Variants in ADCY2 observed in about 807,000 individuals in gnomAD.
The protein encoded by ADCY2 is adenylate cyclase 2, also known as adenylate cyclase type 2.
In ADCY2, 31 loss-of-function variants were observed where a neutral mutation model predicts 125.2. The observed-to-expected ratio is 0.25, with a 90% CI of 0.19 to 0.33. The LOEUF is 0.33. Ranked by LOEUF, ADCY2 falls within the 10% of genes least tolerant of loss-of-function variation. The pLI, the probability that ADCY2 is intolerant of heterozygous loss-of-function variation, is 1.00. For missense variants in ADCY2, 904 were observed against 1,418.2 expected (o/e 0.64, Z 5.82); for synonymous variants, 512 against 548.4 (o/e 0.93, Z 0.93).
intron 22 of ADCY2, among the ~76,000 whole-genome samples, chr5:7,812,611 A>G (rs758864765): frequency 6.6e-6 from 1 of 152,140 alleles, no homozygotes; most frequent in Non-Finnish European, 1.5e-5. Flanking sequence ...CTGAAACCCA[A>G]TGAGGTAGGG....
intron 4 of ADCY2, among the ~76,000 whole-genome samples, chr5:7,627,726 A>G (rs540245572): frequency 2.0e-5 from 3 of 152,190 alleles, no homozygotes; most frequent in Non-Finnish European, 4.4e-5. Flanking sequence ...TCCTTTGTCT[A>G]TGTGTGGACT....
chr5:7,783,514 C>T (rs907515293), intron 18 of ADCY2, among the ~76,000 whole-genome samples: 1 of 151,876 alleles, frequency 6.6e-6, no homozygotes, highest in African/African-American at 2.4e-5. Context: ...TGTCCTTGAA[C>T]CCCCCACAGA....
chr5:7,444,206 C>T (rs1341009627), intron 2 of ADCY2, among the ~76,000 whole-genome samples: 17 of 150,914 alleles, frequency 1.1e-4, no homozygotes, highest in Admixed American at 6.6e-4. Flanking sequence ...CTCCGCCTCC[C>T]GGGTTCACGC....
intron 6 of ADCY2, among the ~76,000 whole-genome samples, chr5:7,697,070 TC>T (rs1366319770): frequency 6.6e-6 from 1 of 151,718 alleles, no homozygotes; most frequent in Non-Finnish European, 1.5e-5. Context: ...TGACATTCTC[TC>T]CTCTACGTGC....
chr5:7,670,050 A>G (rs1739881110), intron 4 of ADCY2, among the ~76,000 whole-genome samples: 1 of 152,206 alleles, frequency 6.6e-6, no homozygotes, highest in South Asian at 2.1e-4. Flanking sequence ...CAGACAGTTA[A>G]GTTGTCACCA....
chr5:7,528,805 C>T (rs573857979), intron 3 of ADCY2, among the ~76,000 whole-genome samples: 28 of 152,254 alleles, frequency 1.8e-4, no homozygotes, highest in South Asian at 1.2e-3. Flanking sequence ...ACAAAGATAA[C>T]GAGGCTCTGC....
At chr5:7,816,729 T>C (rs1001666789) in intron 22 of ADCY2, 137 bp from the exon 23 acceptor site, 10 of 661,860 alleles carry the variant, frequency 1.5e-5, no homozygotes, top group South Asian at 7.2e-5. Context: ...TTGATTCTTA[T>C]AGAATGTTTG....
At chr5:7,625,740 C>A (rs781351429) in intron 3 of ADCY2, among the ~76,000 whole-genome samples, 1 of 152,178 alleles carries the variant, frequency 6.6e-6, no homozygotes, top group Non-Finnish European at 1.5e-5. Flanking sequence ...TTGACTAGGG[C>A]AGCTCTGCTC....
chr5:7,401,767 A>G (rs1015482687), intron 1 of ADCY2, among the ~76,000 whole-genome samples: 1 of 152,160 alleles, frequency 6.6e-6, no homozygotes, highest in African/African-American at 2.4e-5. Flanking sequence ...TTAAAACCGA[A>G]TATTCTACTA....
intron 2 of ADCY2, among the ~76,000 whole-genome samples, chr5:7,503,704 G>A (rs1393408343): frequency 6.6e-6 from 1 of 152,204 alleles, no homozygotes; most frequent in Non-Finnish European, 1.5e-5. Flanking sequence ...GAGGAAGAAA[G>A]CATGGCCCAC....
intron 3 of ADCY2, among the ~76,000 whole-genome samples, chr5:7,559,350 T>C (rs1286794462): frequency 6.6e-6 from 1 of 152,188 alleles, no homozygotes; most frequent in Non-Finnish European, 1.5e-5. Context: ...TCTGATTTCT[T>C]TGAGCAGTAT....
At chr5:7,587,361 A>T (rs1040542806) in intron 3 of ADCY2, among the ~76,000 whole-genome samples, 2 of 152,210 alleles carry the variant, frequency 1.3e-5, no homozygotes, top group African/African-American at 4.8e-5. Flanking sequence ...TTTATGTGGC[A>T]TCTTCCCTAC....
chr5:7,561,218 T>A (rs527729162), intron 3 of ADCY2, among the ~76,000 whole-genome samples: 212 of 152,356 alleles, frequency 1.4e-3, no homozygotes, highest in African/African-American at 4.9e-3. Flanking sequence ...TCAAATATTG[T>A]CATGAATTGT....
intron 2 of ADCY2, among the ~76,000 whole-genome samples, chr5:7,481,128 C>T (rs970917627): frequency 2.8e-4 from 43 of 152,182 alleles, no homozygotes; most frequent in African/African-American, 9.9e-4. Flanking sequence ...CCTTTCTCCA[C>T]ATCCTTGCCA....
At chr5:7,778,254 G>C (rs1390042772) in intron 18 of ADCY2, among the ~76,000 whole-genome samples, 1 of 152,166 alleles carries the variant, frequency 6.6e-6, no homozygotes, top group Non-Finnish European at 1.5e-5. Context: ...AATTTTTCCT[G>C]AGTTTTTTTT....
chr5:7,429,788 A>G (rs1397038853), intron 2 of ADCY2, among the ~76,000 whole-genome samples: 1 of 152,214 alleles, frequency 6.6e-6, no homozygotes, highest in Non-Finnish European at 1.5e-5. Context: ...TGATAACATT[A>G]AATGTTTATG....
chr5:7,589,379 C>CA (rs550689638), intron 3 of ADCY2, among the ~76,000 whole-genome samples: 94 of 42,832 alleles, frequency 2.2e-3, no homozygotes, highest in South Asian at 9.7e-3. Context: ...TGTCCACTGG[C>CA]AAAAAAAAAG....
At chr5:7,486,666 A>G (rs1233555526) in intron 2 of ADCY2, among the ~76,000 whole-genome samples, 1 of 152,108 alleles carries the variant, frequency 6.6e-6, no homozygotes, top group Non-Finnish European at 1.5e-5. Flanking sequence ...TCACATAGCA[A>G]CTTCCATTTC....
intron 4 of ADCY2, among the ~76,000 whole-genome samples, chr5:7,630,979 A>G (rs1215312690): frequency 2.6e-5 from 4 of 151,430 alleles, no homozygotes; most frequent in Admixed American, 1.3e-4. Flanking sequence ...TGTATTTTGT[A>G]TTTGTTTTGC....
Sources: gnomAD v4.1 joint callset for allele counts (sites outside exome capture counted in the v4.1 genomes callset) on GRCh38, gnomAD v4.1.1 for gene constraint, MANE v1.5 for transcripts, NCBI Gene and HGNC (gene_info 2026-07-23, HGNC 2026-07-21) for gene names.